ABHD2: variants seen among roughly 807,000 people sequenced by gnomAD.
ABHD2 encodes the protein monoacylglycerol lipase ABHD2.
ABHD2 carries 20 observed loss-of-function variants against 48.1 expected under a neutral mutation model. The ratio of observed to expected loss-of-function variants is 0.42; its 90% CI spans 0.29 to 0.60. The LOEUF (loss-of-function observed/expected upper bound fraction) is 0.60, where lower values mean the gene tolerates loss of function less well. Ranked by LOEUF, ABHD2 falls within the 20% of genes least tolerant of loss-of-function variation. The pLI is 0.24. For synonymous variants in ABHD2, 209 were observed against 214.2 expected (o/e 0.98, Z 0.21); for missense variants, 405 against 550.9 (o/e 0.74, Z 2.65).
intron 3 of ABHD2, among the ~76,000 whole-genome samples, chr15:89,143,582 G>A (rs140380844): frequency 6.8e-4 from 104 of 152,082 alleles, no homozygotes; most frequent in African/African-American, 7.2e-4. Context: ...CAGGAGAATC[G>A]CTTGAACCCA....
chr15:89,156,031 A>C (rs1040254158), intron 5 of ABHD2, among the ~76,000 whole-genome samples: 1 of 150,800 alleles, frequency 6.6e-6, no homozygotes. Context: ...ATGCTTCTTG[A>C]TTTGAATTAA....
At chr15:89,149,798 G>C (rs151307954) in intron 3 of ABHD2, among the ~76,000 whole-genome samples, 1 of 152,260 alleles carries the variant, frequency 6.6e-6, no homozygotes, top group Non-Finnish European at 1.5e-5. Context: ...GCTTAGGCAA[G>C]AAGTTAAGCG....
rs1384752268 is a variant in ABHD2 at position 89,120,178 on chromosome 15, A to T, written c.194+3657A>T. 6.6e-6 allele frequency among the ~76,000 whole-genome samples: 1 copy of T among 152,196 alleles called. No homozygotes were observed. Among genetic ancestry groups the T allele is most frequent in the Non-Finnish European group, 1.5e-5 (1 of 68,026 alleles). ...AAAGTCAATTTGAAAATCTGTTCTA[A>T]GATGATTTACCCAAAGATACATTAT... On this transcript the variant is annotated intron_variant, in intron 3 of 10. Coordinates refer to ENST00000352732, the MANE Select transcript of ABHD2 (RefSeq NM_152924.5). This position sits in a 1 kb window ranked among gnomAD's most constrained non-coding sequence, Gnocchi z 4.2.
At chr15:89,178,838 C>A (rs1352991432) in intron 6 of ABHD2, among the ~76,000 whole-genome samples, 2 of 152,180 alleles carry the variant, frequency 1.3e-5, no homozygotes, top group African/African-American at 4.8e-5. Context: ...TAATTCCCTG[C>A]CTTCATGGAG....
At chr15:89,193,430 C>A in intron 10 of ABHD2, 111 bp downstream of exon 10, 1 of 826,820 alleles carries the variant, frequency 1.2e-6, no homozygotes, top group Non-Finnish European at 2.1e-6. Context: ...TAGGGAAAGA[C>A]ATCTCATAGC....
At chr15:89,088,391 T>A (rs1026980431), upstream of ABHD2, 3 of 153,116 alleles carry the variant, frequency 2.0e-5, no homozygotes, top group Non-Finnish European at 2.9e-5. This position sits in a 1 kb window ranked among gnomAD's most constrained non-coding sequence, Gnocchi z 6.8. Flanking sequence ...GTTAGGGGCG[T>A]GGCAGAAGCG....
the ABHD2 span, among the ~76,000 whole-genome samples, chr15:89,074,155 C>T: frequency 6.6e-6 from 1 of 152,114 alleles, no homozygotes; most frequent in Non-Finnish European, 1.5e-5. Context: ...AGGTGGATCA[C>T]CTAAGGTCAA....
the ABHD2 span, among the ~76,000 whole-genome samples, chr15:89,058,173 C>A: frequency 6.6e-6 from 1 of 152,166 alleles, no homozygotes; most frequent in Non-Finnish European, 1.5e-5. Flanking sequence ...GGATTTTCAG[C>A]CTCCTTGGAG....
Position 89,097,446 on chromosome 15 carries a change from A to G in ABHD2, c.-107+8883A>G, listed in dbSNP as rs2049630712. 1.3e-5 allele frequency among the ~76,000 whole-genome samples: 2 copies of G among 152,244 alleles called. No individual in the cohort carries two copies. Among genetic ancestry groups the G allele is most frequent in the South Asian group, 4.1e-4 (2 of 4,836 alleles). ...ATTTCCAATTGTTTAAAAATGGCAT[A>G]AGTGTTTTTCTCCTTAAGCTTAATT... is the stretch of plus-strand genomic sequence containing the variant. On this transcript the variant is annotated intron_variant, in intron 1 of 10. Coordinates refer to ENST00000352732, the MANE Select transcript of ABHD2 (RefSeq NM_152924.5). The surrounding 1 kb of genome is among the most constrained non-coding windows in gnomAD (Gnocchi z 4.2).
At chr15:89,072,368 C>T in the ABHD2 span, among the ~76,000 whole-genome samples, 1 of 151,798 alleles carries the variant, frequency 6.6e-6, no homozygotes, top group African/African-American at 2.4e-5. Context: ...CCCAGCTACT[C>T]GGGAGTCTGA....
intron 3 of ABHD2, chr15:89,135,874 A>C (rs1045275511): frequency 8.3e-5 from 55 of 664,056 alleles, no homozygotes; most frequent in Non-Finnish European, 1.5e-4. Flanking sequence ...AGGACAGAAC[A>C]GAACAGGAAG....
In ABHD2 at chr15:89,094,595, C is replaced by T. The variant is rs1202408258; in HGVS notation, c.-107+6032C>T. Among the ~76,000 whole-genome samples the T allele has an allele frequency of 6.6e-6, 1 of 151,996 alleles. No individual in the cohort carries two copies. The highest frequency in any genetic ancestry group is 1.5e-5 in the Non-Finnish European group (1 of 68,004). ...TGGTGGTGTGCGCCTGTAGTCCCAG[C>T]TACTTGGGAGACTGAGGCAGGAGAA... On this transcript the variant is annotated intron_variant, in intron 1 of 10. Transcript: ENST00000352732. The surrounding 1 kb of genome is among the most constrained non-coding windows in gnomAD (Gnocchi z 4.7).
intron 9 of ABHD2, among the ~76,000 whole-genome samples, chr15:89,191,627 C>CTTTTTTTTT (rs57919032): frequency 8.2e-6 from 1 of 121,742 alleles, no homozygotes; most frequent in Non-Finnish European, 1.7e-5. Flanking sequence ...CTATTTTTTT[C>CTTTTTTTTT]TTTTTTTTTT....
In ABHD2 at chr15:89,201,742, T is replaced by C; in HGVS notation, c.*6319T>C. Reference sequence around the variant, plus strand: ...AAGGGGCCTTTGAATTTGAGGTCTATGGGCGGGTCGAGGACCAGGATCTGC... The same window carrying C: ...AAGGGGCCTTTGAATTTGAGGTCTACGGGCGGGTCGAGGACCAGGATCTGC... On this transcript the variant is annotated 3_prime_UTR_variant, in exon 11 of 11. Coordinates refer to ENST00000352732, the MANE Select transcript of ABHD2 (RefSeq NM_152924.5). 1 of 1,577,918 alleles carries C rather than the reference T, an allele frequency of 6.3e-7. No homozygotes were observed. The highest frequency in any genetic ancestry group is 1.1e-5 in the South Asian group (1 of 90,326).
At chr15:89,145,284 C>T (rs2050472765) in intron 3 of ABHD2, among the ~76,000 whole-genome samples, 2 of 152,090 alleles carry the variant, frequency 1.3e-5, no homozygotes, top group African/African-American at 4.8e-5. Flanking sequence ...AACAAAAAAA[C>T]ACTTCAGCCC....
rs1048141884 is a variant in ABHD2, at chr15:89,100,426, T to C, written c.-107+11863T>C. 1.3e-5 allele frequency among the ~76,000 whole-genome samples: 2 copies of C among 152,050 alleles called. No homozygotes were observed. The highest frequency in any genetic ancestry group is 4.8e-5 in the African/African-American group (2 of 41,402). On this transcript the variant is annotated intron_variant, in intron 1 of 10. Transcript: ENST00000352732. The surrounding 1 kb of genome is among the most constrained non-coding windows in gnomAD (Gnocchi z 4.4). ...TGCCCGAAGCCACACAACTAGTAAG[T>C]AGTGTAGCTGCAGTTCAGGTCAAAT...
intron 3 of ABHD2, among the ~76,000 whole-genome samples, chr15:89,128,262 G>A (rs2150838716): frequency 6.6e-6 from 1 of 152,282 alleles, no homozygotes; most frequent in Non-Finnish European, 1.5e-5. Context: ...TGGATAGATG[G>A]GACAATAGGA....
At position 89,174,646 on chromosome 15, in the gene ABHD2, C is replaced by T. The variant is rs1311762503; in HGVS notation, c.539-1166C>T. On this transcript the variant is annotated intron_variant, in intron 5 of 10. Coordinates refer to ENST00000352732, the MANE Select transcript of ABHD2 (RefSeq NM_152924.5). This position sits in a 1 kb window ranked among gnomAD's most constrained non-coding sequence, Gnocchi z 4.1. ...AAAACCTCTGAGCTGGTGCCAAAGT[C>T]AACAACTCCCGTTTCCATTGTAAAT... Among the ~76,000 whole-genome samples, 1 of 152,230 alleles carries T rather than the reference C, an allele frequency of 6.6e-6. No homozygotes were observed. The highest frequency in any genetic ancestry group is 1.5e-5 in the Non-Finnish European group (1 of 68,034).
chr15:89,092,858 A>G lies in ABHD2; in HGVS notation c.-107+4295A>G, dbSNP rs1468956611. On this transcript the variant is annotated intron_variant, in intron 1 of 10. Coordinates refer to ENST00000352732, the MANE Select transcript of ABHD2 (RefSeq NM_152924.5). The surrounding 1 kb of genome is among the most constrained non-coding windows in gnomAD (Gnocchi z 4.4). ...TTTTAGATATCTGTTTTCTGTTTCT[A>G]AGGATGCTAAAAAACAGTCTTATTT... Among the ~76,000 whole-genome samples the G allele has an allele frequency of 6.6e-6, 1 of 152,168 alleles. No individual in the cohort carries two copies. The highest frequency in any genetic ancestry group is 1.5e-5 in the Non-Finnish European group (1 of 68,028).
Sources: gnomAD v4.1 joint callset for allele counts (sites outside exome capture counted in the v4.1 genomes callset) on GRCh38, gnomAD v4.1.1 for gene constraint, Gnocchi (gnomAD v3.1) non-coding constraint, MANE v1.5 for transcripts, NCBI Gene and HGNC (gene_info 2026-07-23, HGNC 2026-07-21) for gene names.